STN1: variants seen among roughly 807,000 people sequenced by gnomAD.
The protein encoded by STN1 is STN1 subunit of CST complex.
In STN1, 29 loss-of-function variants were observed where a neutral mutation model predicts 45.5. The ratio of observed to expected loss-of-function variants is 0.64; its 90% confidence interval spans 0.47 to 0.87. STN1 has a LOEUF of 0.87. Among genes scored for constraint, STN1 ranks in the 40% least tolerant of loss-of-function variants. The pLI, the probability that STN1 is intolerant of heterozygous loss-of-function variation, is 0.00. For synonymous variants in STN1, 148 were observed against 159.0 expected (o/e 0.93, Z 0.52); for missense variants, 376 against 441.4 (o/e 0.85, Z 1.33).
At chr10:103,900,513 T>C (rs1221120198) in intron 4 of STN1, among the ~76,000 whole-genome samples, 2 of 152,212 alleles carry the variant, frequency 1.3e-5, no homozygotes, top group African/African-American at 4.8e-5. Flanking sequence ...GCATCACCAG[T>C]GCAGTCAAAG....
At position 103,887,515 on chromosome 10, in the gene STN1, C is replaced by T. The variant is rs76611460; in HGVS notation, c.949+1557G>A. ...TGCTTGGCTTTTCATGAGGGGCATA[C>T]GTTACTATTCTGAATTGCTATGTTA... On this transcript the variant is annotated intron_variant, in intron 9 of 9. Transcript: ENST00000224950. Among the ~76,000 whole-genome samples the T allele has an allele frequency of 6.3e-3, 958 of 152,224 alleles. 9 individuals carry two copies. Among genetic ancestry groups the T allele is most frequent in the African/African-American group, 0.018 (765 of 41,526 alleles).
intron 8 of STN1, among the ~76,000 whole-genome samples, chr10:103,889,680 G>A (rs1843126183): frequency 6.9e-6 from 1 of 145,012 alleles, no homozygotes; most frequent in African/African-American, 2.5e-5. Context: ...ACATAACTTA[G>A]TCTTTTTCTT....
rs554960704 is a variant in STN1 at position 103,881,728 on chromosome 10, C to G, written c.*956G>C. Among the ~76,000 whole-genome samples, 1 of 152,222 alleles carries G rather than the reference C, an allele frequency of 6.6e-6. No individual in the cohort carries two copies. Among genetic ancestry groups the G allele is most frequent in the Non-Finnish European group, 1.5e-5 (1 of 68,038 alleles). On this transcript the variant is annotated 3_prime_UTR_variant, in exon 10 of 10. Coordinates refer to ENST00000224950, the MANE Select transcript of STN1 (RefSeq NM_024928.5). ...AATTAACTCCAAATCTTTCTCCACA[C>G]TTTATTTTTGCTGGCTGGATTTGTC...
chr10:103,909,532 A>ATATG (rs1554837255), intron 3 of STN1, among the ~76,000 whole-genome samples: 7 of 58,512 alleles, frequency 1.2e-4, no homozygotes, highest in Non-Finnish European at 2.2e-4. Context: ...ATATATGTAC[A>ATATG]TATATATGTA....
intron 2 of STN1, among the ~76,000 whole-genome samples, chr10:103,911,797 T>C (rs1843292730): frequency 1.3e-5 from 2 of 152,178 alleles, no homozygotes; most frequent in African/African-American, 2.4e-5. Flanking sequence ...TGGGGGGACC[T>C]GTGGCCTGAA....
chr10:103,912,264 C>T (rs1033463007), intron 2 of STN1, among the ~76,000 whole-genome samples: 1 of 152,094 alleles, frequency 6.6e-6, no homozygotes, highest in Non-Finnish European at 1.5e-5. Context: ...CTCCCTGTCG[C>T]CCATGCTGGC....
In STN1 at chr10:103,897,652, T is replaced by C. The variant is rs1274653580; in HGVS notation, c.649A>G (p.Met217Val). ...TAAAAGCTCTGCACTCTGTTCTCCA[T>C]GAGGAATTCTTTGGCTTTTTCACTC... The part of the protein sequence containing the change: ...LLSEKAKEFL[M>V]ENRVQSFYQQ... The change falls in exon 7 of 10, where the codon ATG (methionine) becomes GTG (valine). Residue 217 changes from methionine (M) to valine (V), a missense_variant. Coordinates refer to ENST00000224950, the MANE Select transcript of STN1 (RefSeq NM_024928.5). The C allele has an allele frequency of 3.1e-6, 5 of 1,614,082 alleles. No homozygotes were observed. The highest frequency in any genetic ancestry group is 4.2e-6 in the Non-Finnish European group (5 of 1,180,026).
chr10:103,887,628 G>T (rs1843112403), intron 9 of STN1, among the ~76,000 whole-genome samples: 1 of 152,192 alleles, frequency 6.6e-6, no homozygotes, highest in Non-Finnish European at 1.5e-5. Context: ...TCAGGCTTCA[G>T]AATTCAGCTC....
chr10:103,908,042 T>C (rs1226701096), intron 3 of STN1, among the ~76,000 whole-genome samples: 1 of 150,598 alleles, frequency 6.6e-6, no homozygotes, highest in Non-Finnish European at 1.5e-5. Context: ...GGCAGGAGAA[T>C]CACTTGAACC....
chr10:103,910,309 C>T (rs1256443111), intron 3 of STN1, among the ~76,000 whole-genome samples: 1 of 152,218 alleles, frequency 6.6e-6, no homozygotes, highest in Non-Finnish European at 1.5e-5. Context: ...ACCTCAGCAG[C>T]TGTCACTTCA....
intron 4 of STN1, among the ~76,000 whole-genome samples, chr10:103,902,088 G>A (rs1564633835): frequency 6.6e-6 from 1 of 152,082 alleles, no homozygotes; most frequent in Non-Finnish European, 1.5e-5. Flanking sequence ...GACAACTGTG[G>A]CTCTGTAATG....
intron 3 of STN1, among the ~76,000 whole-genome samples, chr10:103,906,420 G>A (rs1022554759): frequency 2.6e-5 from 4 of 152,194 alleles, no homozygotes; most frequent in Non-Finnish European, 5.9e-5. Flanking sequence ...ACTTTGGGAA[G>A]CCAAGGCAGG....
At chr10:103,893,316 CTG>C (rs1843152293) in intron 7 of STN1, among the ~76,000 whole-genome samples, 3 of 152,014 alleles carry the variant, frequency 2.0e-5, no homozygotes, top group African/African-American at 7.3e-5. Flanking sequence ...CTACAGGCGC[CTG>C]CCACCATGCC....
chr10:103,897,421 A>C, intron 7 of STN1, 127 bp downstream of exon 7: 1 of 823,418 alleles, frequency 1.2e-6, no homozygotes, highest in Non-Finnish European at 2.0e-6. Flanking sequence ...AATGTGTGAC[A>C]GAACCATTCC....
In STN1 at chr10:103,910,071, T is replaced by C. The variant is rs140982107; in HGVS notation, c.229+456A>G. Among the ~76,000 whole-genome samples, 86 of 152,366 alleles carry C rather than the reference T, an allele frequency of 5.6e-4. 1 individual carries two copies. Among genetic ancestry groups the C allele is most frequent in the Admixed American group, 1.0e-3 (16 of 15,306 alleles). On this transcript the variant is annotated intron_variant, in intron 3 of 9. Transcript: ENST00000224950. ...ACCCCTTTGGGTATCAAAAGGCTTT[T>C]TGTTAACTGTTCTGGATATAAATAT...
In STN1 at chr10:103,900,104, G is replaced by A. The variant is rs781767500; in HGVS notation, c.415C>T (p.Arg139Cys). 3.7e-6 allele frequency: 6 copies of A among 1,614,132 alleles called. No homozygotes were observed. Among genetic ancestry groups the A allele is most frequent in the South Asian group, 2.2e-5 (2 of 91,086 alleles). The change falls in exon 5 of 10, where the codon CGC (arginine) becomes TGC (cysteine). Residue 139 changes from arginine (R) to cysteine (C), a missense_variant. Transcript: ENST00000224950. ...GDTIRVRGSI[R>C]TYREEREIHA... is the part of the protein sequence containing the mutation. ...ATCTCTCGCTCTTCTCTGTATGTGC[G>A]GATACTGCCTCTGACTCGGATCGTG...
At chr10:103,888,998 C>A in intron 9 of STN1, 74 bp downstream of exon 9, 1 of 1,053,548 alleles carries the variant, frequency 9.5e-7, no homozygotes, top group South Asian at 1.3e-5. Context: ...TCCTGACTCT[C>A]CATCCAGTGC....
At chr10:103,896,219 C>T (rs994829511) in intron 7 of STN1, among the ~76,000 whole-genome samples, 1 of 152,202 alleles carries the variant, frequency 6.6e-6, no homozygotes, top group Non-Finnish European at 1.5e-5. Context: ...TTTATGCCAG[C>T]CCCGTTCTAG....
intron 6 of STN1, 71 bp downstream of exon 6, chr10:103,898,806 C>T: frequency 3.2e-6 from 5 of 1,581,234 alleles, no homozygotes; most frequent in Non-Finnish European, 4.3e-6. Context: ...AGGCCGATCC[C>T]AGCATCTGGG....
Sources: gnomAD v4.1 joint callset for allele counts (sites outside exome capture counted in the v4.1 genomes callset) on GRCh38, gnomAD v4.1.1 for gene constraint, MANE v1.5 for transcripts, NCBI Gene and HGNC (gene_info 2026-07-23, HGNC 2026-07-21) for gene names.